REV3L: variants seen among roughly 807,000 people sequenced by gnomAD.
REV3L encodes the protein REV3 like, DNA directed polymerase zeta catalytic subunit.
Under a neutral mutation model 299.4 loss-of-function variants are expected in REV3L, and 69 were observed. The observed-to-expected ratio is 0.23, with a 90% confidence interval of 0.19 to 0.28. The LOEUF (loss-of-function observed/expected upper bound fraction) is 0.28, where lower values mean the gene tolerates loss of function less well. Among genes scored for constraint, REV3L ranks in the 10% least tolerant of loss-of-function variants. The pLI is 1.00. For synonymous variants in REV3L, 1,238 were observed against 1,271.4 expected, an observed-to-expected ratio of 0.97 and a Z score of 0.56; for missense variants, 3,128 against 3,693.8, an observed-to-expected ratio of 0.85 and a Z score of 3.97.
At chr6:111,403,666 C>G (rs1316456526) in intron 4 of REV3L, among the ~76,000 whole-genome samples, 1 of 152,154 alleles carries the variant, frequency 6.6e-6, no homozygotes, top group Non-Finnish European at 1.5e-5. Context: ...CTTCCTATTC[C>G]CTGAGACACT....
rs1259770093 is a variant in REV3L, at chr6:111,315,349, T to C, written c.8384A>G (p.Glu2795Gly). The change falls in exon 27 of 32, where the codon GAG becomes GGG. Residue 2795 changes from glutamate to glycine, a missense_variant. Physicochemically the swap from Glu to Gly is moderately conservative, Grantham distance 98 (BLOSUM62 -2). Around this residue, in one of 9 missense-constraint regions of REV3L, gnomAD observed 37 missense variants for 100.1 expected, o/e 0.37. Transcript: ENST00000368802. ...MFVLLKGATK[E>G]QSFKIGQEIA... ...TTCCTGACCAATCTTAAAAGACTGC[T>C]CCTTAGTGGCTCCTTTCAGTAGCAC... 2 of 1,614,046 alleles carry C rather than the reference T, an allele frequency of 1.2e-6. No homozygotes were observed. The highest frequency in any genetic ancestry group is 2.2e-5 in the East Asian group (1 of 44,852).
chr6:111,414,643 G>A (rs551044630), intron 2 of REV3L, among the ~76,000 whole-genome samples: 1 of 152,186 alleles, frequency 6.6e-6, no homozygotes, highest in East Asian at 1.9e-4. Flanking sequence ...GTCTCCACTT[G>A]GATTTCATAT....
rs1277157922 is a variant in REV3L, at chr6:111,313,390, C to T, written c.8566G>A (p.Glu2856Lys). The T allele has an allele frequency of 3.1e-6, 5 of 1,613,438 alleles. No homozygotes were observed. Among genetic ancestry groups the T allele is most frequent in the Admixed American group, 1.7e-5 (1 of 59,948 alleles). ...KDPVFDAKGI[E>K]TVRRDSCPAV... ...GGGCAGGAATCTCTTCTGACTGTTT[C>T]TATTCCTTTTGCATCAAATACTGGG... The change falls in exon 28 of 32, where the codon GAA becomes AAA. Residue 2856 changes from glutamate to lysine, a missense_variant. Glu to Lys is a moderately conservative substitution (Grantham distance 56). Around this residue, in one of 9 missense-constraint regions of REV3L, gnomAD observed 294 missense variants for 377.0 expected, o/e 0.78. Transcript: ENST00000368802.
intron 18 of REV3L, chr6:111,353,590 A>G (rs958427476): frequency 6.6e-6 from 1 of 152,210 alleles, no homozygotes; most frequent in African/African-American, 2.4e-5. Context: ...AAAAGATAAT[A>G]AACATATTAT....
At chr6:111,451,043 A>C (rs1216964171) in intron 1 of REV3L, among the ~76,000 whole-genome samples, 2 of 152,344 alleles carry the variant, frequency 1.3e-5, no homozygotes, top group Non-Finnish European at 2.9e-5. Context: ...AAAACATTAC[A>C]GGTTCACAGT....
At chr6:111,483,491 C>T, upstream of REV3L, 1 of 533,778 alleles carries the variant, frequency 1.9e-6, no homozygotes, top group Middle Eastern at 4.4e-4. Flanking sequence ...CGGCGGAGCA[C>T]CGATCTCATG....
chr6:111,467,478 A>T (rs1338150251), intron 1 of REV3L, among the ~76,000 whole-genome samples: 2 of 152,248 alleles, frequency 1.3e-5, no homozygotes, highest in Non-Finnish European at 1.5e-5. Context: ...GATTAGGTTA[A>T]GGTTGGCTGA....
rs765047680 is a variant in REV3L, at chr6:111,381,392, C to T, written c.1149G>A (p.Leu383=). Reference sequence around the variant, plus strand: ...AAGTCTGACTATTTTCCATAAGGTTCAAAATTGCTTCTTCATTAATAAGAG... The same window carrying T: ...AAGTCTGACTATTTTCCATAAGGTTTAAAATTGCTTCTTCATTAATAAGAG... The part of the protein sequence containing the change: ...EEALINEEAI[L]NLMENSQTFQ... The change falls in exon 10 of 32, where the codon TTG becomes TTA. Residue 383 remains leucine, a synonymous_variant. Coordinates refer to ENST00000368802, the MANE Select transcript of REV3L (RefSeq NM_001372078.1). 4.3e-6 allele frequency: 7 copies of T among 1,613,382 alleles called. No homozygotes were observed. In the Middle Eastern group the frequency reaches 9.9e-4, roughly 229 times the overall value.
At chr6:111,331,808 C>CAAA (rs764154599) in intron 23 of REV3L, 24 bp from the exon 24 acceptor site, 1 of 1,371,294 alleles carries the variant, frequency 7.3e-7, no homozygotes, top group East Asian at 2.3e-5. Flanking sequence ...GAACATTAAG[C>CAAA]AAATACTTCC....
intron 27 of REV3L, among the ~76,000 whole-genome samples, chr6:111,314,724 A>G (rs1490070815): frequency 6.6e-6 from 1 of 152,198 alleles, no homozygotes; most frequent in Non-Finnish European, 1.5e-5. Flanking sequence ...GCTGTTTTAC[A>G]CCATTAAGTT....
chr6:111,345,866 T>C (rs1280325518), intron 20 of REV3L, among the ~76,000 whole-genome samples: 1 of 152,014 alleles, frequency 6.6e-6, no homozygotes, highest in East Asian at 1.9e-4. Context: ...ACATAGCTGG[T>C]GGGTATCACT....
intron 25 of REV3L, among the ~76,000 whole-genome samples, chr6:111,328,009 G>T (rs781335785): frequency 1.3e-5 from 2 of 151,874 alleles, no homozygotes; most frequent in East Asian, 1.9e-4. Context: ...CCTTCATTTG[G>T]CATGAAAAGA....
intron 21 of REV3L, among the ~76,000 whole-genome samples, chr6:111,340,266 C>G (rs1776351416): frequency 6.6e-6 from 1 of 152,064 alleles, no homozygotes; most frequent in African/African-American, 2.4e-5. Context: ...AAACTGGAAT[C>G]TGGAATAGTA....
At chr6:111,456,204 A>G (rs1235035587) in intron 1 of REV3L, among the ~76,000 whole-genome samples, 1 of 152,216 alleles carries the variant, frequency 6.6e-6, no homozygotes, top group African/African-American at 2.4e-5. Flanking sequence ...AAGTAATTTT[A>G]GAGTCGGTCT....
intron 21 of REV3L, among the ~76,000 whole-genome samples, chr6:111,337,782 A>C (rs922677224): frequency 6.6e-6 from 1 of 152,206 alleles, no homozygotes; most frequent in African/African-American, 2.4e-5. Flanking sequence ...AAAACTGCAA[A>C]GTGTAAATCT....
chr6:111,308,647 C>T (rs750643561), intron 30 of REV3L, among the ~76,000 whole-genome samples: 1 of 152,198 alleles, frequency 6.6e-6, no homozygotes, highest in African/African-American at 2.4e-5. Flanking sequence ...TTCTTCAGGG[C>T]TGTGTCTAGT....
chr6:111,377,692 T>C lies in REV3L; in HGVS notation c.1597+9A>G, dbSNP rs1266232058. On this transcript the variant is annotated intron_variant, in intron 12 of 31. Transcript: ENST00000368802. ...TAACCAATTTCTCACAGTAGACTTGTTTACTTACCACTATTTTCATCTGCA... is the reference window on the plus strand; with the variant it reads ...TAACCAATTTCTCACAGTAGACTTGCTTACTTACCACTATTTTCATCTGCA... The C allele has an allele frequency of 1.9e-6, 3 of 1,608,432 alleles. No individual in the cohort carries two copies. The highest frequency in any genetic ancestry group is 2.5e-6 in the Non-Finnish European group (3 of 1,178,140).
intron 1 of REV3L, among the ~76,000 whole-genome samples, chr6:111,426,549 C>T (rs1019272128): frequency 6.6e-6 from 1 of 152,140 alleles, no homozygotes; most frequent in African/African-American, 2.4e-5. Flanking sequence ...CTCCCACAAG[C>T]TTAGCAGCCC....
At position 111,437,814 on chromosome 6, in the gene REV3L, T is replaced by C. The variant is rs201493545; in HGVS notation, c.140-21342A>G. On this transcript the variant is annotated intron_variant, in intron 1 of 31. Coordinates refer to ENST00000368802, the MANE Select transcript of REV3L (RefSeq NM_001372078.1). ...AACAAAGATCACTGAATTGTATAAATAGGTAAAATGTATAGTATGTGAACT... is the reference window on the plus strand; with the variant it reads ...AACAAAGATCACTGAATTGTATAAACAGGTAAAATGTATAGTATGTGAACT... Among the ~76,000 whole-genome samples, 6 of 152,180 alleles carry C rather than the reference T, an allele frequency of 3.9e-5. No homozygotes were observed. In the East Asian group the frequency reaches 5.8e-4, roughly 15 times the overall value.
Sources: allele counts gnomAD v4.1 joint callset (sites outside exome capture counted in the v4.1 genomes callset), GRCh38; gene constraint gnomAD v4.1.1; regional missense constraint gnomAD v4.1.1; transcripts MANE v1.5; gene names NCBI Gene and HGNC (gene_info 2026-07-23, HGNC 2026-07-21).